SETBP1: variants seen among roughly 807,000 people sequenced by gnomAD.
The protein encoded by SETBP1 is SET-binding protein.
SETBP1 carries 9 observed loss-of-function variants against 101.0 expected under a neutral mutation model. The observed-to-expected ratio is 0.09, with a 90% confidence interval of 0.05 to 0.16. The LOEUF (loss-of-function observed/expected upper bound fraction) is 0.16. Among genes scored for constraint, SETBP1 ranks in the 10% least tolerant of loss-of-function variants. The pLI, the probability that SETBP1 is intolerant of heterozygous loss-of-function variation, is 1.00. For synonymous variants in SETBP1, 818 were observed against 788.5 expected (o/e 1.04, Z -0.63); for missense variants, 1,858 against 2,033.8 (o/e 0.91, Z 1.66).
At chr18:44,885,629 C>T (rs544930939) in intron 3 of SETBP1, among the ~76,000 whole-genome samples, 13 of 151,766 alleles carry the variant, frequency 8.6e-5, no homozygotes, top group East Asian at 1.9e-4. Context: ...ATTTATTTGG[C>T]GAAATCGAGG....
intron 2 of SETBP1, among the ~76,000 whole-genome samples, chr18:44,851,814 G>A (rs2072872926): frequency 2.0e-5 from 3 of 152,178 alleles, no homozygotes; most frequent in African/African-American, 7.2e-5. Context: ...AGCCTCCAGA[G>A]GTGAAACCTG....
intron 2 of SETBP1, among the ~76,000 whole-genome samples, chr18:44,805,122 C>T (rs2071699444): frequency 6.6e-6 from 1 of 152,096 alleles, no homozygotes; most frequent in Non-Finnish European, 1.5e-5. Context: ...TTTGTCCATA[C>T]AACTAAAGTC....
chr18:44,821,887 C>T (rs925017773), intron 2 of SETBP1, among the ~76,000 whole-genome samples: 27 of 152,204 alleles, frequency 1.8e-4, no homozygotes, highest in Admixed American at 1.4e-3. Flanking sequence ...TAGCTAGGAA[C>T]GCCTGCTGTC....
intron 2 of SETBP1, among the ~76,000 whole-genome samples, chr18:44,736,315 G>C (rs1287578447): frequency 6.6e-6 from 1 of 152,192 alleles, no homozygotes; most frequent in African/African-American, 2.4e-5. Flanking sequence ...GGAGGTCGAG[G>C]CTGCAGCAAG....
intron 2 of SETBP1, among the ~76,000 whole-genome samples, chr18:44,754,493 A>G (rs905385275): frequency 6.6e-6 from 1 of 152,036 alleles, no homozygotes; most frequent in Non-Finnish European, 1.5e-5. Context: ...GTGGATTTGA[A>G]TTTTTTTTAA....
intron 2 of SETBP1, among the ~76,000 whole-genome samples, chr18:44,767,049 A>T (rs2070775844): frequency 6.6e-6 from 1 of 152,158 alleles, no homozygotes; most frequent in Non-Finnish European, 1.5e-5. Flanking sequence ...CACAGAGCAA[A>T]TTTAGAAACA....
upstream of SETBP1, chr18:44,680,283 T>G (rs909589085): frequency 2.7e-5 from 4 of 149,584 alleles, no homozygotes; most frequent in Admixed American, 2.7e-4. Context: ...GTTTGACAGA[T>G]GCTCATCGCC....
At chr18:44,926,915 A>G (rs1186431492) in intron 3 of SETBP1, among the ~76,000 whole-genome samples, 1 of 152,168 alleles carries the variant, frequency 6.6e-6, no homozygotes. Context: ...GGTAAGAAAG[A>G]TTCAGCAAAG....
chr18:45,010,358 A>G (rs181846540), intron 4 of SETBP1, among the ~76,000 whole-genome samples: 45 of 152,330 alleles, frequency 3.0e-4, no homozygotes, highest in Middle Eastern at 3.4e-3. Flanking sequence ...AGGCCTGGGA[A>G]ATTCCTAAAA....
At chr18:44,785,767 G>A (rs147272866) in intron 2 of SETBP1, among the ~76,000 whole-genome samples, 3 of 152,086 alleles carry the variant, frequency 2.0e-5, no homozygotes, top group Admixed American at 6.5e-5. Context: ...TTCAGGTTAG[G>A]GCCAAGGATG....
chr18:44,872,478 C>T (rs982963200), intron 3 of SETBP1, among the ~76,000 whole-genome samples: 11 of 152,008 alleles, frequency 7.2e-5, no homozygotes, highest in Non-Finnish European at 1.6e-4. Flanking sequence ...CTGGAAAATC[C>T]AGCAGCTAGC....
Position 44,950,863 on chromosome 18 carries a change from C to T in SETBP1, c.1523C>T (p.Thr508Met), listed in dbSNP as rs776966017. Residue 508 changes from threonine (T) to methionine (M), a missense_variant, in exon 4 of 6, where the codon ACG (threonine) becomes ATG (methionine). This residue lies in a region of SETBP1 where 581 missense variants were observed against 535.1 expected (regional missense o/e 1.09). Coordinates refer to ENST00000649279, the MANE Select transcript of SETBP1 (RefSeq NM_015559.3). The part of the protein sequence containing the change: ...RKPPMVMTPP[T>M]CTDHSPSRKL... ...CCACCCATGGTCATGACACCTCCAA[C>T]GTGCACAGATCACTCTCCATCCAGA... 32 of 1,614,038 alleles carry T rather than the reference C, an allele frequency of 2.0e-5. No individual in the cohort carries two copies. Among genetic ancestry groups the T allele is most frequent in the South Asian group, 1.1e-4 (10 of 91,082 alleles).
intron 2 of SETBP1, among the ~76,000 whole-genome samples, chr18:44,781,687 A>G (rs1230546235): frequency 2.6e-5 from 4 of 152,208 alleles, no homozygotes; most frequent in African/African-American, 7.2e-5. Flanking sequence ...TTTTTCCATT[A>G]AAGTTTCCCA....
intron 2 of SETBP1, among the ~76,000 whole-genome samples, chr18:44,803,039 C>A (rs1319839852): frequency 6.6e-6 from 1 of 151,936 alleles, no homozygotes; most frequent in Non-Finnish European, 1.5e-5. Flanking sequence ...GAGCCCCATG[C>A]GGAGTTAAAG....
intron 3 of SETBP1, among the ~76,000 whole-genome samples, chr18:44,925,642 C>A (rs1327468581): frequency 6.6e-6 from 1 of 152,204 alleles, no homozygotes; most frequent in East Asian, 1.9e-4. Flanking sequence ...TAAACATTAT[C>A]CTAATTTATC....
chr18:44,737,367 G>C (rs943976244), intron 2 of SETBP1, among the ~76,000 whole-genome samples: 1 of 152,208 alleles, frequency 6.6e-6, no homozygotes, highest in East Asian at 1.9e-4. Flanking sequence ...TTGGTTACCT[G>C]CCCTGGGGAG....
chr18:44,830,025 C>G (rs898274260), intron 2 of SETBP1, among the ~76,000 whole-genome samples: 1 of 152,102 alleles, frequency 6.6e-6, no homozygotes, highest in African/African-American at 2.4e-5. Flanking sequence ...AAATGGTTTA[C>G]ACAGAGGCAC....
intron 1 of SETBP1, among the ~76,000 whole-genome samples, 156 bp downstream of exon 1, chr18:44,681,177 T>C (rs1334019441): frequency 6.6e-6 from 1 of 152,176 alleles, no homozygotes; most frequent in Admixed American, 6.5e-5. Context: ...AAAGCACGCA[T>C]TGTGTGCGTT....
At chr18:44,776,021 A>G (rs745624148) in intron 2 of SETBP1, among the ~76,000 whole-genome samples, 1 of 152,058 alleles carries the variant, frequency 6.6e-6, no homozygotes, top group Non-Finnish European at 1.5e-5. Flanking sequence ...GTTTTAACGT[A>G]GTTGTAATTG....
Sources: allele counts gnomAD v4.1 joint callset (sites outside exome capture counted in the v4.1 genomes callset), GRCh38; gene constraint gnomAD v4.1.1; regional missense constraint gnomAD v4.1.1; transcripts MANE v1.5; gene names NCBI Gene and HGNC (gene_info 2026-07-23, HGNC 2026-07-21).